POLN: variants seen among roughly 807,000 people sequenced by gnomAD.
POLN encodes the protein DNA polymerase N.
In POLN, 108 loss-of-function variants were observed where a neutral mutation model predicts 113.5. The observed-to-expected ratio is 0.95, with a 90% CI of 0.81 to 1.12. The LOEUF is 1.12. POLN is among the 50% of genes most tolerant of loss of function. The probability of loss-of-function intolerance (pLI) is 0.00; values close to 1 mark genes in which losing one functional copy is unlikely to be tolerated. For missense variants in POLN, 1,097 were observed against 1,077.1 expected, an observed-to-expected ratio of 1.02 and a Z score of -0.26; for synonymous variants, 386 against 391.5, an observed-to-expected ratio of 0.99 and a Z score of 0.17.
intron 20 of POLN, among the ~76,000 whole-genome samples, chr4:2,091,442 G>A (rs1337600521): frequency 6.6e-6 from 1 of 152,084 alleles, no homozygotes; most frequent in Non-Finnish European, 1.5e-5. Flanking sequence ...AGGCCTTCCA[G>A]GCCCTGGATC....
At chr4:2,108,816 C>A (rs1286214679) in intron 19 of POLN, among the ~76,000 whole-genome samples, 1 of 152,060 alleles carries the variant, frequency 6.6e-6, no homozygotes, top group Non-Finnish European at 1.5e-5. Context: ...CATGGGTGCC[C>A]CCTCAGTATG....
At chr4:2,080,899 G>T in intron 23 of POLN, 59 bp downstream of exon 23, 2 of 1,611,892 alleles carry the variant, frequency 1.2e-6, no homozygotes, top group South Asian at 1.1e-5. Context: ...CCCCGAGGGG[G>T]TCTTCCCACA....
In POLN at chr4:2,075,664, C is replaced by A; in HGVS notation, c.2388-145G>T. 2.5e-6 allele frequency: 2 copies of A among 800,180 alleles called. 1 individual carries two copies. Among genetic ancestry groups the A allele is most frequent in the South Asian group, 3.3e-5 (2 of 60,610 alleles). The allele number at this position is 800,180 out of a possible 1,614,324, so 49.6% of individuals were successfully genotyped here. On this transcript the variant is annotated intron_variant, in intron 23 of 25. Coordinates refer to ENST00000511885, the MANE Select transcript of POLN (RefSeq NM_181808.4). ...GTGCATGCAGAGGTGGGGGCCCATC[C>A]CCAAGGTTTCTGAAAGGTGGTTCTG...
At chr4:2,218,221 C>T (rs549294210) in intron 3 of POLN, among the ~76,000 whole-genome samples, 5 of 148,304 alleles carry the variant, frequency 3.4e-5, no homozygotes, top group African/African-American at 5.1e-5. Context: ...CATCTAAGGT[C>T]GGGAGTTCGA....
intron 19 of POLN, among the ~76,000 whole-genome samples, chr4:2,122,162 C>T (rs1399438151): frequency 6.6e-6 from 1 of 152,132 alleles, no homozygotes; most frequent in Non-Finnish European, 1.5e-5. Context: ...AAATCCAGGA[C>T]ACCTATTCCA....
intron 2 of POLN, chr4:2,231,130 CTG>C (rs1318251650): frequency 6.6e-6 from 1 of 152,152 alleles, no homozygotes; most frequent in Non-Finnish European, 1.5e-5. Flanking sequence ...TCCTAATACT[CTG>C]TGGTACAAGT....
intron 25 of POLN, among the ~76,000 whole-genome samples, chr4:2,072,698 C>G (rs910626655): frequency 6.6e-6 from 1 of 152,156 alleles, no homozygotes; most frequent in Admixed American, 6.5e-5. Context: ...TCCCGGGGGT[C>G]CCTGACCTTG....
chr4:2,108,082 G>C (rs1281857740), intron 19 of POLN, among the ~76,000 whole-genome samples: 1 of 152,158 alleles, frequency 6.6e-6, no homozygotes, highest in African/African-American at 2.4e-5. Flanking sequence ...AGTCTCTCTT[G>C]ACTTCTTCAA....
chr4:2,148,669 C>CTG (rs879880773), intron 16 of POLN, among the ~76,000 whole-genome samples: 3,356 of 45,164 alleles, frequency 0.074, 73 homozygotes, highest in Non-Finnish European at 0.18. Context: ...TCTGTCCCCC[C>CTG]CCCAAAAAAA....
At chr4:2,116,847 G>C (rs1405156672) in intron 19 of POLN, among the ~76,000 whole-genome samples, 1 of 152,182 alleles carries the variant, frequency 6.6e-6, no homozygotes, top group Non-Finnish European at 1.5e-5. Flanking sequence ...AGTACCTAGA[G>C]GGCACATATT....
intron 7 of POLN, among the ~76,000 whole-genome samples, chr4:2,185,441 G>T (rs1453285836): frequency 1.3e-5 from 2 of 152,154 alleles, no homozygotes; most frequent in African/African-American, 4.8e-5. Context: ...ATGAAAAGAG[G>T]CTTAACAAAT....
rs779994262 is a variant in POLN, at chr4:2,161,101, C to T, written c.1555-1890G>A. On this transcript the variant is annotated intron_variant, in intron 13 of 25. Transcript: ENST00000511885. ...GTGCAGTGGTACTGAGAGGTGACAC[C>T]GCGCTGGCACTCCTCACAGCCCTCC... 5.9e-5 allele frequency among the ~76,000 whole-genome samples: 9 copies of T among 152,196 alleles called. 1 individual carries two copies. The East Asian group carries it at 1.5e-3, about 26-fold the overall frequency.
At chr4:2,173,222 G>A (rs542544899) in intron 11 of POLN, among the ~76,000 whole-genome samples, 2 of 152,168 alleles carry the variant, frequency 1.3e-5, no homozygotes, top group African/African-American at 4.8e-5. Flanking sequence ...CTTTGAACCA[G>A]GTGATGGTTA....
At chr4:2,098,028 C>T (rs1278648145) in intron 19 of POLN, among the ~76,000 whole-genome samples, 1 of 152,172 alleles carries the variant, frequency 6.6e-6, no homozygotes, top group Non-Finnish European at 1.5e-5. Context: ...TCCAGTTTTC[C>T]CCCTTTTCCT....
intron 19 of POLN, among the ~76,000 whole-genome samples, chr4:2,115,226 A>AT (rs1296030446): frequency 0.038 from 4,034 of 107,434 alleles, 182 homozygotes; most frequent in African/African-American, 0.13. Context: ...ATATATATAT[A>AT]TATTTTTTTT....
intron 13 of POLN, among the ~76,000 whole-genome samples, chr4:2,170,216 G>C (rs1041226926): frequency 6.6e-6 from 1 of 152,114 alleles, no homozygotes; most frequent in Non-Finnish European, 1.5e-5. Flanking sequence ...ACTGTCTTCT[G>C]AATATCGATC....
At chr4:2,086,778 G>A (rs80352718) in intron 20 of POLN, among the ~76,000 whole-genome samples, 4,323 of 152,276 alleles carry the variant, frequency 0.028, 207 homozygotes, top group African/African-American at 0.098. Flanking sequence ...GAGCATGGCC[G>A]GGACCAGCAG....
chr4:2,080,697 C>T (rs755394330), intron 23 of POLN: 35 of 1,371,550 alleles, frequency 2.6e-5, no homozygotes, highest in Non-Finnish European at 1.3e-5. Context: ...TGTGCAGACA[C>T]CCCGAGGAGG....
At chr4:2,132,789 T>TA (rs1167930446) in intron 16 of POLN, among the ~76,000 whole-genome samples, 2 of 152,148 alleles carry the variant, frequency 1.3e-5, no homozygotes, top group Admixed American at 6.5e-5. Flanking sequence ...GAATAAAAAT[T>TA]AAAGTACTCT....
Sources: gnomAD v4.1 joint callset for allele counts (sites outside exome capture counted in the v4.1 genomes callset) on GRCh38, gnomAD v4.1.1 for gene constraint, MANE v1.5 for transcripts, NCBI Gene and HGNC (gene_info 2026-07-23, HGNC 2026-07-21) for gene names.